The following POLN variants were observed in gnomAD, a reference collection of about 807,000 sequenced individuals.
The protein encoded by POLN is DNA polymerase N.
A neutral mutation model predicts 113.5 loss-of-function variants in POLN; 108 were observed. That is an observed-to-expected ratio of 0.95 (90% CI 0.81 to 1.12). The LOEUF (loss-of-function observed/expected upper bound fraction) is 1.12. POLN is among the 50% of genes most tolerant of loss of function. The pLI is 0.00. For missense variants in POLN, 1,097 were observed against 1,077.1 expected (o/e 1.02, Z -0.26); for synonymous variants, 386 against 391.5 (o/e 0.99, Z 0.17).
rs116713512 is a variant in POLN at position 2,195,440 on chromosome 4, G to T, written c.909-2124C>A. ...CATCTCATACAGGGTGGTCAAGGAA[G>T]GTCTGATAAGGTAATTCTGTTTTTT... On this transcript the variant is annotated intron_variant, in intron 6 of 25. Transcript: ENST00000511885. 2.1e-3 allele frequency among the ~76,000 whole-genome samples: 313 copies of T among 150,946 alleles called. 1 individual carries two copies. The highest frequency in any genetic ancestry group is 7.3e-3 in the African/African-American group (298 of 40,808).
chr4:2,162,140 G>A (rs1364129073), intron 13 of POLN, among the ~76,000 whole-genome samples: 1 of 152,074 alleles, frequency 6.6e-6, no homozygotes, highest in Non-Finnish European at 1.5e-5. Context: ...TGGAAGCTTT[G>A]TTCTTTCCCT....
chr4:2,114,261 T>A (rs1293222416), intron 19 of POLN, among the ~76,000 whole-genome samples: 1 of 152,056 alleles, frequency 6.6e-6, no homozygotes, highest in Non-Finnish European at 1.5e-5. Context: ...TATATAAAAA[T>A]ATATAAAATA....
chr4:2,185,607 A>C (rs9990829), intron 7 of POLN, among the ~76,000 whole-genome samples: 24,579 of 152,078 alleles, frequency 0.16, 3,262 homozygotes, highest in East Asian at 0.35. Flanking sequence ...TTAGCCAGGC[A>C]TGGTGGCACG....
chr4:2,110,221 C>A (rs1438878445), intron 19 of POLN, among the ~76,000 whole-genome samples: 1 of 152,162 alleles, frequency 6.6e-6, no homozygotes, highest in Non-Finnish European at 1.5e-5. Context: ...ACCAGAATCT[C>A]TGGGACACAT....
At position 2,159,134 on chromosome 4, in the gene POLN, C is replaced by T. The variant is rs577128595; in HGVS notation, c.1611+21G>A. 1.5e-5 allele frequency: 24 copies of T among 1,564,050 alleles called. No individual in the cohort carries two copies. In the Admixed American group the frequency reaches 3.4e-4, roughly 22 times the overall value. ...CCCCCTCATCACCTTTTACCTTTTA[C>T]GTACAAAAAAATTAACTTACCTGCC... is the stretch of plus-strand genomic sequence containing the variant. On this transcript the variant is annotated intron_variant, in intron 14 of 25. Coordinates refer to ENST00000511885, the MANE Select transcript of POLN (RefSeq NM_181808.4).
At chr4:2,191,814 G>A (rs1733448874) in intron 7 of POLN, among the ~76,000 whole-genome samples, 1 of 152,114 alleles carries the variant, frequency 6.6e-6, no homozygotes, top group South Asian at 2.1e-4. Flanking sequence ...TGGCAGTTTG[G>A]AAGTATGGGG....
At chr4:2,135,665 A>G (rs1284622217) in intron 16 of POLN, among the ~76,000 whole-genome samples, 1 of 152,208 alleles carries the variant, frequency 6.6e-6, no homozygotes, top group Non-Finnish European at 1.5e-5. Context: ...AAGAGTCCGA[A>G]CATCTGGGAG....
chr4:2,088,022 T>C (rs761623367), intron 20 of POLN, among the ~76,000 whole-genome samples: 2 of 152,172 alleles, frequency 1.3e-5, no homozygotes, highest in Non-Finnish European at 2.9e-5. Context: ...TTTACACTTT[T>C]TATATATTTA....
At chr4:2,108,485 AG>A (rs1731120726) in intron 19 of POLN, among the ~76,000 whole-genome samples, 1 of 152,226 alleles carries the variant, frequency 6.6e-6, no homozygotes, top group South Asian at 2.1e-4. Flanking sequence ...GAATAAAAAG[AG>A]GGAGAGAATG....
intron 6 of POLN, among the ~76,000 whole-genome samples, chr4:2,197,794 G>A (rs1044620619): frequency 2.6e-5 from 4 of 152,220 alleles, no homozygotes; most frequent in Non-Finnish European, 5.9e-5. Flanking sequence ...GGACAGGCTA[G>A]TAACGGGGCC....
At chr4:2,111,517 C>A (rs1321680599) in intron 19 of POLN, among the ~76,000 whole-genome samples, 2 of 152,112 alleles carry the variant, frequency 1.3e-5, no homozygotes, top group Admixed American at 6.5e-5. Flanking sequence ...AAATCTCCTT[C>A]AGCTGATAAG....
intron 23 of POLN, among the ~76,000 whole-genome samples, chr4:2,076,004 G>A (rs1730265892): frequency 6.6e-6 from 1 of 152,172 alleles, no homozygotes; most frequent in Non-Finnish European, 1.5e-5. Flanking sequence ...TGTGCCCTCA[G>A]GGCTTCTCCG....
chr4:2,198,814 T>A, intron 5 of POLN, 97 bp from the exon 6 acceptor site: 1 of 1,165,036 alleles, frequency 8.6e-7, no homozygotes. Context: ...AGAAAAGGCC[T>A]AAAATTAAAC....
At chr4:2,181,695 T>C (rs980262928) in intron 7 of POLN, among the ~76,000 whole-genome samples, 1 of 152,092 alleles carries the variant, frequency 6.6e-6, no homozygotes, top group Non-Finnish European at 1.5e-5. Flanking sequence ...AAGATGACTT[T>C]AGGCCGGGCA....
At chr4:2,074,160 C>T (rs1283711592) in intron 24 of POLN, among the ~76,000 whole-genome samples, 3 of 152,226 alleles carry the variant, frequency 2.0e-5, no homozygotes, top group African/African-American at 7.2e-5. Context: ...GCAACTGCTG[C>T]TCAGAGAGGG....
In POLN at chr4:2,073,120, G is replaced by A. The variant is rs1730192225; in HGVS notation, c.2456-91C>T. On this transcript the variant is annotated intron_variant, in intron 24 of 25. Coordinates refer to ENST00000511885, the MANE Select transcript of POLN (RefSeq NM_181808.4). The stretch of plus-strand genomic sequence containing the variant: ...AAGAGAACTTTCAGGCCCGAGTCCT[G>A]CCCCGGCCCCTGAGCCCCCTTGTTT... 3 of 1,273,148 alleles carry A rather than the reference G, an allele frequency of 2.4e-6. No individual in the cohort carries two copies. In the South Asian group the frequency reaches 3.7e-5, roughly 16 times the overall value. 78.9% of individuals were successfully genotyped at this position (1,273,148 alleles called of 1,614,324 possible).
At chr4:2,083,998 C>T (rs1428831537) in intron 21 of POLN, among the ~76,000 whole-genome samples, 5 of 152,370 alleles carry the variant, frequency 3.3e-5, no homozygotes, top group Admixed American at 1.3e-4. Context: ...CCAAGTGCCC[C>T]GTGGAGAGCA....
chr4:2,089,693 C>G (rs1034890000), intron 20 of POLN: 1 of 688,582 alleles, frequency 1.5e-6, no homozygotes, highest in African/African-American at 1.8e-5. Context: ...TTTTAAAAAT[C>G]AGATAGTGAA....
Position 2,183,165 on chromosome 4 carries a change from G to A in POLN, c.1022-3700C>T, listed in dbSNP as rs529877137. 3.9e-5 allele frequency among the ~76,000 whole-genome samples: 6 copies of A among 152,332 alleles called. No individual in the cohort carries two copies. The East Asian group carries it at 9.6e-4, about 24-fold the overall frequency. On this transcript the variant is annotated intron_variant, in intron 7 of 25. Transcript: ENST00000511885. ...AAAGATACACAAGAACACGTATTGG[G>A]CAAGGATGTGGGGAAGTTACAGTGC... is the stretch of plus-strand genomic sequence containing the variant.
Sources: allele counts gnomAD v4.1 joint callset (sites outside exome capture counted in the v4.1 genomes callset), GRCh38; gene constraint gnomAD v4.1.1; transcripts MANE v1.5; gene names NCBI Gene and HGNC (gene_info 2026-07-23, HGNC 2026-07-21).